GPM6B: variants seen among roughly 807,000 people sequenced by gnomAD.
The protein encoded by GPM6B is neuronal membrane glycoprotein M6-b.
A neutral mutation model predicts 27.2 loss-of-function variants in GPM6B; 4 were observed. That is an observed-to-expected ratio of 0.15 (90% CI 0.07 to 0.34). The LOEUF is 0.34. Among genes scored for constraint, GPM6B ranks in the 10% least tolerant of loss-of-function variants. The pLI, the probability that GPM6B is intolerant of heterozygous loss-of-function variation, is 1.00. For missense variants in GPM6B, 183 were observed against 261.9 expected (o/e 0.70, Z 2.08); for synonymous variants, 124 against 103.1 (o/e 1.20, Z -1.23).
intron 2 of GPM6B, among the ~76,000 whole-genome samples, chrX:13,796,961 T>A (rs2048827689): frequency 1.8e-5 from 2 of 112,615 alleles, no homozygotes; most frequent in South Asian, 7.4e-4. Context: ...CAGCAAGGAA[T>A]CATGGAGATC....
chrX:13,827,751 A>T (rs2049393310), intron 1 of GPM6B, among the ~76,000 whole-genome samples: 1 of 112,216 alleles, frequency 8.9e-6, no homozygotes, highest in Non-Finnish European at 1.9e-5. Context: ...CTCACAACAG[A>T]AGTTGGAAAA....
intron 2 of GPM6B, among the ~76,000 whole-genome samples, chrX:13,798,722 C>G (rs2048861484): frequency 8.9e-6 from 1 of 112,783 alleles, no homozygotes; most frequent in Admixed American, 9.3e-5. Context: ...TACTGCTTCA[C>G]TTAGAACCAA....
intron 1 of GPM6B, among the ~76,000 whole-genome samples, chrX:13,931,395 A>G (rs757467925): frequency 2.5e-3 from 271 of 107,178 alleles, no homozygotes; most frequent in African/African-American, 3.6e-3. Context: ...GGCTGAGGCG[A>G]GAGAATGGCG....
At chrX:13,820,562 T>TAC (rs2049296794), upstream of GPM6B, among the ~76,000 whole-genome samples, 1 of 110,316 alleles carries the variant, frequency 9.1e-6, no homozygotes, top group African/African-American at 3.3e-5. Context: ...GCCCTGGGAG[T>TAC]ACAAGAAGCC....
intron 1 of GPM6B, among the ~76,000 whole-genome samples, chrX:13,915,261 C>T (rs1242254106): frequency 2.3e-5 from 2 of 87,832 alleles, no homozygotes; most frequent in Non-Finnish European, 4.5e-5. Context: ...AGCCATACCC[C>T]GTCTCTAAAA....
upstream of GPM6B, chrX:13,817,128 A>G: frequency 2.1e-6 from 2 of 958,606 alleles, no homozygotes; most frequent in Non-Finnish European, 2.6e-6. Flanking sequence ...GCCAAGGGGC[A>G]GGCAGCCATA....
chrX:13,814,895 TA>T (rs762953368), intron 1 of GPM6B, among the ~76,000 whole-genome samples: 19 of 112,214 alleles, frequency 1.7e-4, no homozygotes, highest in Non-Finnish European at 3.4e-4. Flanking sequence ...GGTAGTGTGA[TA>T]TTTTTGAATT....
At chrX:13,817,280 TTTC>T (rs2147199846), upstream of GPM6B, 2 of 794,607 alleles carry the variant, frequency 2.5e-6, no homozygotes, top group Non-Finnish European at 3.0e-6. Context: ...CCTTGCTCTC[TTTC>T]TTAAGATCTC....
intron 2 of GPM6B, among the ~76,000 whole-genome samples, chrX:13,801,721 T>C (rs970389927): frequency 9.0e-6 from 1 of 111,625 alleles, no homozygotes; most frequent in African/African-American, 3.3e-5. Flanking sequence ...CACATGAATA[T>C]AAACAAGGTT....
chrX:13,816,183 G>A (rs939173336), intron 1 of GPM6B, among the ~76,000 whole-genome samples: 2 of 111,400 alleles, frequency 1.8e-5, no homozygotes, highest in African/African-American at 3.3e-5. Context: ...ATTGTGGTAC[G>A]TTCTAAGATT....
chrX:13,900,574 G>C (rs970062987), intron 1 of GPM6B, among the ~76,000 whole-genome samples: 1 of 111,717 alleles, frequency 9.0e-6, no homozygotes, highest in Admixed American at 9.5e-5. Context: ...GGTGGGCGCA[G>C]TTTTCTGCAT....
intron 1 of GPM6B, among the ~76,000 whole-genome samples, chrX:13,878,219 G>A (rs2050059269): frequency 9.2e-6 from 1 of 108,682 alleles, no homozygotes; most frequent in Non-Finnish European, 1.9e-5. Context: ...AGAGTTTAAA[G>A]TATGGGGGAA....
chrX:13,935,041 A>G (rs185250817), intron 1 of GPM6B, among the ~76,000 whole-genome samples: 3 of 111,962 alleles, frequency 2.7e-5, no homozygotes, highest in African/African-American at 9.7e-5. Flanking sequence ...CACATATTAA[A>G]AAGAACTGCT....
chrX:13,912,895 C>T (rs1385215319), intron 1 of GPM6B, among the ~76,000 whole-genome samples: 2 of 111,907 alleles, frequency 1.8e-5, no homozygotes, highest in Non-Finnish European at 3.8e-5. Context: ...ATTTTGTTTC[C>T]GTATCTTGGC....
At chrX:13,792,385 C>A (rs1004939731) in intron 2 of GPM6B, among the ~76,000 whole-genome samples, 10 of 111,772 alleles carry the variant, frequency 8.9e-5, no homozygotes, top group Non-Finnish European at 9.4e-5. Context: ...ACATCTACAT[C>A]GTTTAGACCA....
chrX:13,909,447 T>TTAGTATGGTA (rs1172755784), intron 1 of GPM6B, among the ~76,000 whole-genome samples: 6 of 111,097 alleles, frequency 5.4e-5, no homozygotes, highest in Non-Finnish European at 1.1e-4. Flanking sequence ...ATATCTTACA[T>TTAGTATGGTA]TAGTATGGTA....
chrX:13,924,563 G>T (rs145490009), intron 1 of GPM6B, among the ~76,000 whole-genome samples: 1 of 111,620 alleles, frequency 9.0e-6, no homozygotes, highest in African/African-American at 3.3e-5. Flanking sequence ...TCGGCCTCTC[G>T]AAGTGCTGGG....
At chrX:13,829,365 G>C (rs2049412115) in intron 1 of GPM6B, among the ~76,000 whole-genome samples, 1 of 111,626 alleles carries the variant, frequency 9.0e-6, no homozygotes, top group African/African-American at 3.3e-5. Flanking sequence ...GCTATTGTTA[G>C]GAGTGTAACA....
chrX:13,861,128 A>T (rs930855511), intron 1 of GPM6B, among the ~76,000 whole-genome samples: 4 of 98,216 alleles, frequency 4.1e-5, no homozygotes, highest in African/African-American at 1.7e-4. Flanking sequence ...ATACACATAC[A>T]TATATATATA....
Sources: gnomAD v4.1 joint callset for allele counts (sites outside exome capture counted in the v4.1 genomes callset) on GRCh38, gnomAD v4.1.1 for gene constraint, MANE v1.5 for transcripts, NCBI Gene and HGNC (gene_info 2026-07-23, HGNC 2026-07-21) for gene names.